The following CDK14 variants were observed in gnomAD, a reference collection of about 807,000 sequenced individuals.
CDK14 encodes cyclin dependent kinase 14.
CDK14 carries 34 observed loss-of-function variants against 60.7 expected under a neutral mutation model. The observed-to-expected ratio is 0.56, with a 90% confidence interval of 0.43 to 0.75. CDK14 has a LOEUF of 0.75. Among genes scored for constraint, CDK14 ranks in the 30% least tolerant of loss-of-function variants. The pLI, the probability that CDK14 is intolerant of heterozygous loss-of-function variation, is 0.00. For missense variants in CDK14, 482 were observed against 564.1 expected, an observed-to-expected ratio of 0.85 and a Z score of 1.47; for synonymous variants, 197 against 203.7, an observed-to-expected ratio of 0.97 and a Z score of 0.28.
intron 5 of CDK14, among the ~76,000 whole-genome samples, chr7:90,839,823 A>G (rs766358444): frequency 3.3e-5 from 5 of 152,246 alleles, no homozygotes; most frequent in East Asian, 1.9e-4. Context: ...GCTTGTGTGC[A>G]TAGTGAAGTT....
Position 91,210,420 on chromosome 7 carries a change from A to G in CDK14, c.*3284A>G, listed in dbSNP as rs1803032133. 1 of 152,594 alleles carries G rather than the reference A, an allele frequency of 6.6e-6. No homozygotes were observed. The highest frequency in any genetic ancestry group is 1.5e-5 in the Non-Finnish European group (1 of 68,038). 9.5% of individuals were successfully genotyped at this position (152,594 alleles called of 1,614,324 possible). ...TAAGAAATGTGGTAGCATTATTCAG[A>G]AAACTATTATACTTTCAAATGACAC... On this transcript the variant is annotated 3_prime_UTR_variant, in exon 15 of 15. Coordinates refer to ENST00000380050, the MANE Select transcript of CDK14 (RefSeq NM_001287135.2).
At chr7:91,080,527 A>G (rs966161601) in intron 12 of CDK14, among the ~76,000 whole-genome samples, 1 of 152,112 alleles carries the variant, frequency 6.6e-6, no homozygotes, top group Non-Finnish European at 1.5e-5. Flanking sequence ...TCTTAACCTC[A>G]AGGCTCCCCT....
At chr7:90,780,646 A>G (rs1449029172) in intron 4 of CDK14, among the ~76,000 whole-genome samples, 4 of 145,034 alleles carry the variant, frequency 2.8e-5, no homozygotes, top group Admixed American at 1.4e-4. Context: ...TCATTGTTCA[A>G]TACGGTGTTT....
At chr7:90,992,404 A>G (rs1795565164) in intron 10 of CDK14, among the ~76,000 whole-genome samples, 1 of 152,216 alleles carries the variant, frequency 6.6e-6, no homozygotes, top group African/African-American at 2.4e-5. Flanking sequence ...TATGCAACAG[A>G]TATTTATTAC....
chr7:90,966,575 C>CT (rs1554393772), intron 9 of CDK14, among the ~76,000 whole-genome samples: 1 of 152,116 alleles, frequency 6.6e-6, no homozygotes, highest in Non-Finnish European at 1.5e-5. Flanking sequence ...CTTGATTTCC[C>CT]TTTTTTTCAG....
intron 2 of CDK14, among the ~76,000 whole-genome samples, chr7:90,609,085 G>A (rs1799482452): frequency 6.6e-6 from 1 of 152,032 alleles, no homozygotes; most frequent in African/African-American, 2.4e-5. Context: ...GGAGTACAGT[G>A]GTGCCATCGC....
intron 3 of CDK14, among the ~76,000 whole-genome samples, chr7:90,727,658 T>C (rs1394079348): frequency 1.3e-5 from 2 of 152,124 alleles, no homozygotes; most frequent in Non-Finnish European, 2.9e-5. Context: ...TTTCCTTCAT[T>C]CAAATTAAGA....
intron 10 of CDK14, among the ~76,000 whole-genome samples, chr7:91,016,785 T>C (rs1796313192): frequency 6.6e-6 from 1 of 152,200 alleles, no homozygotes; most frequent in Admixed American, 6.5e-5. Context: ...ATTAGAGGAA[T>C]AGGAGTGATA....
At chr7:91,024,659 A>G (rs965830960) in intron 10 of CDK14, among the ~76,000 whole-genome samples, 1 of 152,214 alleles carries the variant, frequency 6.6e-6, no homozygotes, top group Admixed American at 6.5e-5. Flanking sequence ...TCAAAAATAA[A>G]TAACTAAACA....
chr7:90,720,371 A>G (rs752782333), intron 2 of CDK14, among the ~76,000 whole-genome samples: 8 of 152,190 alleles, frequency 5.3e-5, no homozygotes, highest in Non-Finnish European at 8.8e-5. Context: ...TGTGTGAAGG[A>G]CAGTGAAGCT....
chr7:91,046,000 A>G (rs1325861307), intron 11 of CDK14, 40 bp downstream of exon 11: 7 of 1,307,912 alleles, frequency 5.4e-6, no homozygotes, highest in Admixed American at 1.7e-5. Context: ...TGCTTCCTAT[A>G]TGCAAAAGGT....
intron 5 of CDK14, among the ~76,000 whole-genome samples, chr7:90,811,364 G>A (rs532958723): frequency 0.011 from 1,695 of 151,974 alleles, 29 homozygotes; most frequent in African/African-American, 0.039. Flanking sequence ...CAAGCAATGG[G>A]GAAAGGATTC....
chr7:91,141,836 T>C (rs1800472010), intron 14 of CDK14, among the ~76,000 whole-genome samples: 1 of 151,596 alleles, frequency 6.6e-6, no homozygotes, highest in South Asian at 2.1e-4. Flanking sequence ...GCTGTTGTTC[T>C]TTTTTTTGAG....
chr7:90,658,604 G>T (rs749400396), intron 2 of CDK14, among the ~76,000 whole-genome samples: 4 of 152,128 alleles, frequency 2.6e-5, no homozygotes, highest in Non-Finnish European at 5.9e-5. Flanking sequence ...ATGTTTTCAA[G>T]GTACATCCTT....
chr7:91,085,612 G>A (rs1325115927), intron 12 of CDK14, among the ~76,000 whole-genome samples: 2 of 152,142 alleles, frequency 1.3e-5, no homozygotes, highest in African/African-American at 2.4e-5. Context: ...CTTATCAGAA[G>A]TGGGTACTAG....
At chr7:90,666,976 C>A (rs1195827354) in intron 2 of CDK14, among the ~76,000 whole-genome samples, 2 of 152,180 alleles carry the variant, frequency 1.3e-5, no homozygotes, top group Non-Finnish European at 2.9e-5. Context: ...AGATTCAACC[C>A]TTAGCAAGGT....
At chr7:90,904,970 G>A (rs1792646272) in intron 7 of CDK14, among the ~76,000 whole-genome samples, 2 of 152,142 alleles carry the variant, frequency 1.3e-5, no homozygotes, top group South Asian at 4.1e-4. Context: ...AGTGAAGTAT[G>A]AAGGTAAAAT....
At chr7:91,204,671 G>T (rs189600352) in intron 14 of CDK14, among the ~76,000 whole-genome samples, 7 of 152,324 alleles carry the variant, frequency 4.6e-5, no homozygotes, top group Non-Finnish European at 7.3e-5. Context: ...CCAACAGCTT[G>T]GGCATGGTGG....
chr7:90,741,732 TG>T (rs1233763418), intron 3 of CDK14, among the ~76,000 whole-genome samples: 1 of 152,148 alleles, frequency 6.6e-6, no homozygotes, highest in East Asian at 1.9e-4. Flanking sequence ...AGAAGTTAGG[TG>T]GTTTCCTGGC....
Sources: allele counts gnomAD v4.1 joint callset (sites outside exome capture counted in the v4.1 genomes callset), GRCh38; gene constraint gnomAD v4.1.1; transcripts MANE v1.5; gene names NCBI Gene and HGNC (gene_info 2026-07-23, HGNC 2026-07-21).